Variants in FOXJ3 observed in about 807,000 individuals in gnomAD.
FOXJ3 encodes the protein forkhead box J3.
Under a neutral mutation model 76.1 loss-of-function variants are expected in FOXJ3, and 22 were observed. The ratio of observed to expected loss-of-function variants is 0.29; its 90% confidence interval spans 0.21 to 0.41. The LOEUF (loss-of-function observed/expected upper bound fraction) is 0.41, where lower values mean the gene tolerates loss of function less well. FOXJ3 is among the 10% of genes least tolerant of loss of function. The pLI, the probability that FOXJ3 is intolerant of heterozygous loss-of-function variation, is 1.00. For missense variants in FOXJ3, 613 were observed against 762.1 expected, an observed-to-expected ratio of 0.80 and a Z score of 2.30; for synonymous variants, 269 against 261.2, an observed-to-expected ratio of 1.03 and a Z score of -0.29.
chr1:42,181,013 A>G (rs912962817), intron 12 of FOXJ3, among the ~76,000 whole-genome samples: 1 of 152,230 alleles, frequency 6.6e-6, no homozygotes, highest in African/African-American at 2.4e-5. Context: ...AGCAAAGGAC[A>G]TATCACTTGA....
chr1:42,297,041 G>GGGGTGTGC (rs1210920669), intron 2 of FOXJ3, among the ~76,000 whole-genome samples: 2 of 152,022 alleles, frequency 1.3e-5, no homozygotes, highest in African/African-American at 4.8e-5. Context: ...TGTATTCCTA[G>GGGGTGTGC]GGGTGTGCGG....
At chr1:42,323,519 T>C (rs924715821) in intron 1 of FOXJ3, among the ~76,000 whole-genome samples, 2 of 152,136 alleles carry the variant, frequency 1.3e-5, no homozygotes, top group African/African-American at 4.8e-5. Flanking sequence ...TCTTTGACTA[T>C]GCTCTCAGCC....
chr1:42,204,335 C>T (rs1463854169), intron 6 of FOXJ3, among the ~76,000 whole-genome samples: 3 of 152,010 alleles, frequency 2.0e-5, no homozygotes, highest in Non-Finnish European at 4.4e-5. Flanking sequence ...TGGTATTTTA[C>T]ACAGATAGGC....
chr1:42,290,115 A>C (rs913258770), intron 2 of FOXJ3, among the ~76,000 whole-genome samples: 28 of 152,224 alleles, frequency 1.8e-4, no homozygotes, highest in African/African-American at 6.5e-4. Flanking sequence ...AGAAAAAGAT[A>C]GTTAAAGTCT....
intron 1 of FOXJ3, among the ~76,000 whole-genome samples, chr1:42,333,985 C>G (rs993821442): frequency 2.6e-5 from 4 of 152,196 alleles, no homozygotes; most frequent in African/African-American, 9.7e-5. Context: ...CCACCAATCT[C>G]TAACTCCTTC....
chr1:42,305,238 A>G (rs1654384507), intron 2 of FOXJ3, among the ~76,000 whole-genome samples: 2 of 152,220 alleles, frequency 1.3e-5, no homozygotes, highest in Admixed American at 6.5e-5. Context: ...AAGACAGGCA[A>G]TAACAAATGC....
At chr1:42,314,676 T>C (rs140763396) in intron 1 of FOXJ3, among the ~76,000 whole-genome samples, 1 of 152,316 alleles carries the variant, frequency 6.6e-6, no homozygotes, top group African/African-American at 2.4e-5. Flanking sequence ...CATGAGGGGC[T>C]GCAGAAAGTC....
intron 1 of FOXJ3, among the ~76,000 whole-genome samples, chr1:42,311,529 C>T (rs145690515): frequency 9.9e-5 from 15 of 152,230 alleles, no homozygotes; most frequent in African/African-American, 2.9e-4. Context: ...TTCCAACCCC[C>T]AAGTAAGTGC....
chr1:42,207,066 G>A (rs1234141243), intron 5 of FOXJ3, among the ~76,000 whole-genome samples: 1 of 152,142 alleles, frequency 6.6e-6, no homozygotes, highest in Non-Finnish European at 1.5e-5. Flanking sequence ...CTGACCTAAA[G>A]TGACCCACCT....
At chr1:42,261,705 T>C (rs1006465367) in intron 4 of FOXJ3, among the ~76,000 whole-genome samples, 5 of 152,174 alleles carry the variant, frequency 3.3e-5, no homozygotes, top group South Asian at 4.1e-4. Flanking sequence ...CCTCTTGACC[T>C]AAGTCATGGC....
chr1:42,281,550 T>C (rs1477766241), intron 2 of FOXJ3, among the ~76,000 whole-genome samples: 2 of 152,226 alleles, frequency 1.3e-5, no homozygotes, highest in Non-Finnish European at 2.9e-5. Context: ...AAATTTTAAG[T>C]ACACTATAAA....
intron 4 of FOXJ3, among the ~76,000 whole-genome samples, chr1:42,232,498 T>C (rs1648233923): frequency 6.7e-6 from 1 of 149,128 alleles, no homozygotes; most frequent in African/African-American, 2.5e-5. Context: ...TTCTAACTGG[T>C]GTGAGATGGT....
intron 1 of FOXJ3, among the ~76,000 whole-genome samples, chr1:42,334,723 G>A (rs114510568): frequency 0.039 from 5,910 of 152,202 alleles, 147 homozygotes; most frequent in South Asian, 0.091. Context: ...GACGGTCGCT[G>A]CCCTCGGACT....
chr1:42,293,667 T>C (rs1653589490), intron 2 of FOXJ3, among the ~76,000 whole-genome samples: 1 of 152,226 alleles, frequency 6.6e-6, no homozygotes, highest in Non-Finnish European at 1.5e-5. Context: ...TAGTTTTCTA[T>C]TTCTTGAATT....
chr1:42,297,876 A>G (rs1487433346), intron 2 of FOXJ3, among the ~76,000 whole-genome samples: 1 of 152,120 alleles, frequency 6.6e-6, no homozygotes, highest in African/African-American at 2.4e-5. Flanking sequence ...TTTCCTAAAT[A>G]CCAGCTTTTC....
At chr1:42,327,212 C>A (rs779320432) in intron 1 of FOXJ3, among the ~76,000 whole-genome samples, 1 of 152,230 alleles carries the variant, frequency 6.6e-6, no homozygotes, top group Non-Finnish European at 1.5e-5. Flanking sequence ...CGGCTACCCA[C>A]GTATACACAG....
At chr1:42,251,010 G>A (rs1649994894) in intron 4 of FOXJ3, among the ~76,000 whole-genome samples, 1 of 151,682 alleles carries the variant, frequency 6.6e-6, no homozygotes, top group African/African-American at 2.4e-5. Flanking sequence ...GAAAAGATGG[G>A]GCCAAAAGAA....
intron 11 of FOXJ3, among the ~76,000 whole-genome samples, chr1:42,185,092 CCTCT>C (rs745610749): frequency 1.8e-4 from 27 of 151,956 alleles, no homozygotes; most frequent in African/African-American, 2.7e-4. Context: ...CATGATCTGA[CCTCT>C]CTGTCTTGCA....
chr1:42,190,120 A>C (rs1219711814), intron 9 of FOXJ3, among the ~76,000 whole-genome samples: 2 of 152,230 alleles, frequency 1.3e-5, no homozygotes, highest in Non-Finnish European at 2.9e-5. Context: ...AAGACTCCAT[A>C]ATCTGTATGT....
Sources: gnomAD v4.1 joint callset for allele counts (sites outside exome capture counted in the v4.1 genomes callset) on GRCh38, gnomAD v4.1.1 for gene constraint, MANE v1.5 for transcripts, NCBI Gene and HGNC (gene_info 2026-07-23, HGNC 2026-07-21) for gene names.